ATP2C2: variants seen among roughly 807,000 people sequenced by gnomAD.
ATP2C2 encodes the protein calcium-transporting ATPase type 2C member 2.
In ATP2C2, 171 loss-of-function variants were observed where a neutral mutation model predicts 110.8. The observed-to-expected ratio is 1.54, with a 90% CI of 1.36 to 1.75. ATP2C2 has a LOEUF of 1.75. Ranked by LOEUF, ATP2C2 falls within the 40% of genes most tolerant of loss-of-function variation. The pLI, the probability that ATP2C2 is intolerant of heterozygous loss-of-function variation, is 0.00. For missense variants in ATP2C2, 1,963 were observed against 1,235.0 expected (o/e 1.59, Z -8.84); for synonymous variants, 804 against 508.4 (o/e 1.58, Z -7.82).
intron 7 of ATP2C2, among the ~76,000 whole-genome samples, chr16:84,421,223 G>A (rs373447269): frequency 9.2e-5 from 14 of 152,294 alleles, no homozygotes; most frequent in African/African-American, 3.4e-4. Flanking sequence ...GTCCAGAGCT[G>A]GAGCCGCGGG....
rs1905132085 is a variant in ATP2C2, at chr16:84,398,595, G to C, written c.196G>C (p.Ala66Pro). 4 of 1,610,478 alleles carry C rather than the reference G, an allele frequency of 2.5e-6. No homozygotes were observed. In the Admixed American group the frequency reaches 5.1e-5, roughly 20 times the overall value. Residue 66 changes from alanine (A) to proline (P), a missense_variant, in exon 2 of 27, where the codon GCC becomes CCC. Transcript: ENST00000262429. The stretch of plus-strand genomic sequence containing the variant: ...GTGCAAATGCCAGAAAGAGGATTTG[G>C]CCAGAGCGTTTTGTGTAAGAATTGA... ...EACKCQKEDL[A>P]RAFCVDLHTG...
chr16:84,368,757 C>G (rs1410401409), intron 1 of ATP2C2, 43 bp downstream of exon 1: 5 of 1,433,358 alleles, frequency 3.5e-6, no homozygotes, highest in Non-Finnish European at 4.7e-6. Flanking sequence ...ACCCGACCCC[C>G]CATCCCCTCC....
chr16:84,421,928 T>C (rs1318507983), intron 7 of ATP2C2, among the ~76,000 whole-genome samples: 3 of 152,118 alleles, frequency 2.0e-5, no homozygotes, highest in Non-Finnish European at 4.4e-5. Flanking sequence ...TGCCAGGGTG[T>C]GTGAGTGTCT....
intron 1 of ATP2C2, among the ~76,000 whole-genome samples, chr16:84,397,164 C>G (rs1436810250): frequency 6.6e-6 from 1 of 151,772 alleles, no homozygotes; most frequent in African/African-American, 2.4e-5. Flanking sequence ...CTTCTGAGGT[C>G]TCCTTTGTAT....
intron 16 of ATP2C2, among the ~76,000 whole-genome samples, chr16:84,448,303 C>T (rs1166028812): frequency 2.6e-5 from 4 of 152,170 alleles, no homozygotes; most frequent in African/African-American, 7.2e-5. Context: ...AAGGGTAGTA[C>T]AGGTTGAAGA....
intron 7 of ATP2C2, among the ~76,000 whole-genome samples, chr16:84,419,527 G>A (rs1298024834): frequency 1.3e-5 from 2 of 152,184 alleles, no homozygotes; most frequent in Non-Finnish European, 2.9e-5. Context: ...CACCACATCA[G>A]AGAACACATT....
chr16:84,408,100 C>T (rs551173223), intron 3 of ATP2C2, among the ~76,000 whole-genome samples: 3 of 152,186 alleles, frequency 2.0e-5, no homozygotes, highest in Admixed American at 6.5e-5. Context: ...TGGCATCTTG[C>T]CGAAAGTCCC....
intron 3 of ATP2C2, 148 bp downstream of exon 3, chr16:84,405,392 G>C: frequency 2.9e-6 from 2 of 687,570 alleles, no homozygotes; most frequent in South Asian, 1.9e-5. Context: ...CATCAGTCAT[G>C]AGCAAATCAC....
intron 7 of ATP2C2, among the ~76,000 whole-genome samples, chr16:84,419,385 C>G (rs1907125309): frequency 6.6e-6 from 1 of 152,138 alleles, no homozygotes; most frequent in African/African-American, 2.4e-5. Flanking sequence ...TGACATCAGA[C>G]ACATCTCCAA....
Position 84,463,932 on chromosome 16 carries a change from T to C in ATP2C2, c.*200T>C. On this transcript the variant is annotated 3_prime_UTR_variant, in exon 27 of 27. Transcript: ENST00000262429. ...ACATCCATCCAGCGTTCCCGCTGGC[T>C]GTGGGACAGACAGGGAGGGGCCTGT... 1 of 570,340 alleles carries C rather than the reference T, an allele frequency of 1.8e-6. No homozygotes were observed. Among genetic ancestry groups the C allele is most frequent in the Non-Finnish European group, 3.1e-6 (1 of 319,536 alleles). The allele number at this position is 570,340 out of a possible 1,614,324, so 35.3% of individuals were successfully genotyped here.
At chr16:84,407,655 A>T (rs1019070503) in intron 3 of ATP2C2, among the ~76,000 whole-genome samples, 4 of 151,916 alleles carry the variant, frequency 2.6e-5, no homozygotes, top group Non-Finnish European at 5.9e-5. Context: ...ATTTTTTTGT[A>T]AAGATGGGAT....
intron 20 of ATP2C2, among the ~76,000 whole-genome samples, chr16:84,453,938 T>C (rs1266793880): frequency 1.3e-5 from 2 of 151,942 alleles, no homozygotes; most frequent in Non-Finnish European, 2.9e-5. Context: ...CCTCCCAGGG[T>C]TAAGCGATTC....
chr16:84,392,623 C>T (rs935975296), intron 1 of ATP2C2, among the ~76,000 whole-genome samples: 4 of 152,134 alleles, frequency 2.6e-5, no homozygotes, highest in East Asian at 1.9e-4. Flanking sequence ...CCACCACGCC[C>T]GGCTAATTCT....
chr16:84,447,611 T>G (rs1178078852), intron 16 of ATP2C2, among the ~76,000 whole-genome samples: 1 of 148,590 alleles, frequency 6.7e-6, no homozygotes, highest in Non-Finnish European at 1.5e-5. Context: ...ATGTCTGTGT[T>G]GGTTAATATA....
At chr16:84,461,611 C>G (rs980767651) in intron 24 of ATP2C2, 103 bp from the exon 25 acceptor site, 1 of 1,051,998 alleles carries the variant, frequency 9.5e-7, no homozygotes, top group East Asian at 2.4e-5. Flanking sequence ...GTAAGTGGCT[C>G]CCAGCCATGC....
In ATP2C2 at chr16:84,368,703, G is replaced by T. The variant is rs757071841; in HGVS notation, c.88G>T (p.Glu30Ter). The T allele has an allele frequency of 6.5e-7, 1 of 1,548,050 alleles. No homozygotes were observed. The highest frequency in any genetic ancestry group is 1.2e-5 in the South Asian group (1 of 85,326). ...GTACCAGGCGCTGGAGAAGGACGAA[G>T]AGGAAGCCTTGGTGAGTCCCCGCGA... ...RQYQALEKDEEEALIDEQSEL... is the reference protein window; with the variant it reads ...RQYQALEKDE The change falls in exon 1 of 27, where the codon GAG becomes TAG. Residue 30 changes from glutamate (E) to a stop codon, truncating the protein, a stop_gained. Transcript: ENST00000262429. LOFTEE classifies it high-confidence loss of function.
At position 84,439,522 on chromosome 16, in the gene ATP2C2, G is replaced by A. The variant is rs751429844; in HGVS notation, c.1207G>A (p.Glu403Lys). Residue 403 changes from glutamate to lysine, a missense_variant and splice_region_variant, in exon 13 of 27, where the codon GAG becomes AAG. By Grantham distance (56) the Glu-to-Lys change is moderately conservative (BLOSUM62 1). Transcript: ENST00000262429. ...TGTAACGTCAGATGGGCTTCGTGCC[G>A]AGGTGAGTGCCAAAGGAATTTACAA... is the stretch of plus-strand genomic sequence containing the variant. ...QLVTSDGLRAEVSGVGYDGQG... is the reference protein window; with the variant it reads ...QLVTSDGLRAKVSGVGYDGQG... 20 of 1,613,882 alleles carry A rather than the reference G, an allele frequency of 1.2e-5. No homozygotes were observed. In the African/African-American group the frequency reaches 1.3e-4, roughly 11 times the overall value.
intron 11 of ATP2C2, among the ~76,000 whole-genome samples, chr16:84,429,823 C>G (rs759219870): frequency 5.3e-5 from 8 of 152,100 alleles, no homozygotes; most frequent in Non-Finnish European, 8.8e-5. Context: ...GGGCTGGAAA[C>G]AGAAGCTTAT....
At position 84,448,692 on chromosome 16, in the gene ATP2C2, C is replaced by T; in HGVS notation, c.1660+3C>T. The T allele has an allele frequency of 6.2e-7, 1 of 1,610,130 alleles. No homozygotes were observed. Among genetic ancestry groups the T allele is most frequent in the Non-Finnish European group, 8.5e-7 (1 of 1,177,702 alleles). On this transcript the variant is annotated splice_donor_region_variant and intron_variant, in intron 17 of 26. Transcript: ENST00000262429. ...GATGGGGTCGCTCGGTTTGCGGGGTCAGTGCCTGTGGTCCCGGCCCAGAGC... is the reference window on the plus strand; with the variant it reads ...GATGGGGTCGCTCGGTTTGCGGGGTTAGTGCCTGTGGTCCCGGCCCAGAGC...
Sources: allele counts gnomAD v4.1 joint callset (sites outside exome capture counted in the v4.1 genomes callset), GRCh38; gene constraint gnomAD v4.1.1; transcripts MANE v1.5; gene names NCBI Gene and HGNC (gene_info 2026-07-23, HGNC 2026-07-21).